Variants in ZRANB3 observed in about 807,000 individuals in gnomAD.
ZRANB3 encodes the protein DNA annealing helicase and endonuclease ZRANB3.
Under a neutral mutation model 133.8 loss-of-function variants are expected in ZRANB3, and 125 were observed. The ratio of observed to expected loss-of-function variants is 0.93; its 90% CI spans 0.81 to 1.08. The LOEUF (loss-of-function observed/expected upper bound fraction) is 1.08, where lower values mean the gene tolerates loss of function less well. Among genes scored for constraint, ZRANB3 ranks in the 50% least tolerant of loss-of-function variants. The pLI, the probability that ZRANB3 is intolerant of heterozygous loss-of-function variation, is 0.00. For synonymous variants in ZRANB3, 387 were observed against 432.7 expected (o/e 0.89, Z 1.31); for missense variants, 1,229 against 1,275.5 (o/e 0.96, Z 0.56).
At chr2:135,319,419 A>G (rs1683414486) in intron 6 of ZRANB3, among the ~76,000 whole-genome samples, 1 of 152,212 alleles carries the variant, frequency 6.6e-6, no homozygotes, top group Non-Finnish European at 1.5e-5. Context: ...TCTTTACTCA[A>G]GCATGGATGA....
rs141165745 is a variant in ZRANB3 at position 135,222,973 on chromosome 2, G to A, written c.2250+1453C>T. Among the ~76,000 whole-genome samples, 591 of 151,974 alleles carry A rather than the reference G, an allele frequency of 3.9e-3. 7 individuals are homozygous for A. Among genetic ancestry groups the A allele is most frequent in the South Asian group, 0.025 (121 of 4,800 alleles). On this transcript the variant is annotated intron_variant, in intron 15 of 20. Transcript: ENST00000264159. Reference sequence around the variant, plus strand: ...AAAAACAAACAAACAAACAAAAAACGGCCAGGTGGGTGGCTCACACCTGTA... The same window carrying A: ...AAAAACAAACAAACAAACAAAAAACAGCCAGGTGGGTGGCTCACACCTGTA...
At chr2:135,243,028 G>A (rs1226958739) in intron 12 of ZRANB3, among the ~76,000 whole-genome samples, 2 of 152,094 alleles carry the variant, frequency 1.3e-5, no homozygotes, top group Admixed American at 6.6e-5. Context: ...TTTCACATGA[G>A]AGGTGGCCTT....
In ZRANB3 at chr2:135,492,264, C is replaced by A. The variant is rs76281705; in HGVS notation, c.161+12065G>T. Among the ~76,000 whole-genome samples the A allele has an allele frequency of 5.3e-5, 8 of 152,128 alleles. No homozygotes were observed. The East Asian group carries it at 1.4e-3, about 26-fold the overall frequency. ...ACTGTTACTTAAGAGAAAAGACAAA[C>A]TGAGTAACAAAGTGAAACCTAACCT... is the stretch of plus-strand genomic sequence containing the variant. On this transcript the variant is annotated intron_variant, in intron 2 of 20. Coordinates refer to ENST00000264159, the MANE Select transcript of ZRANB3 (RefSeq NM_032143.4).
chr2:135,417,961 G>T (rs1233391973), intron 2 of ZRANB3, among the ~76,000 whole-genome samples: 4 of 152,114 alleles, frequency 2.6e-5, no homozygotes, highest in South Asian at 2.1e-4. Context: ...GGACTGTTGT[G>T]GGGTGGGGGA....
At position 135,224,451 on chromosome 2, in the gene ZRANB3, G is replaced by A. The variant is rs377756657; in HGVS notation, c.2225C>T (p.Thr742Ile). ...DTLMFCASRN[T>I]DRIHIYTKDG... is the part of the protein sequence containing the mutation. ...CTTAGTATAGATGTGAATCCGGTCA[G>A]TATTCCTACTTGCACAGAACATTAA... The change falls in exon 15 of 21, where the codon ACT (threonine) becomes ATT (isoleucine). Residue 742 changes from threonine to isoleucine, a missense_variant. Transcript: ENST00000264159. 23 of 1,613,030 alleles carry A rather than the reference G, an allele frequency of 1.4e-5. No individual in the cohort carries two copies. The highest frequency in any genetic ancestry group is 1.7e-5 in the Admixed American group (1 of 59,960).
At chr2:135,483,936 T>C (rs897738855) in intron 2 of ZRANB3, among the ~76,000 whole-genome samples, 25 of 152,344 alleles carry the variant, frequency 1.6e-4, no homozygotes, top group African/African-American at 4.8e-4. Context: ...GTGAGATTCT[T>C]AATCCTGAGT....
chr2:135,455,251 C>T (rs527302020), intron 2 of ZRANB3, among the ~76,000 whole-genome samples: 26 of 122,282 alleles, frequency 2.1e-4, no homozygotes, highest in Admixed American at 1.6e-3. Context: ...TGCAATGGCA[C>T]GATTTTGGCT....
chr2:135,512,285 T>C (rs145832926), intron 1 of ZRANB3, among the ~76,000 whole-genome samples: 2,276 of 152,266 alleles, frequency 0.015, 27 homozygotes, highest in Middle Eastern at 0.031. Context: ...ACAAGGCAAA[T>C]TCAACTGGAA....
At chr2:135,462,581 C>T (rs1033508114) in intron 2 of ZRANB3, among the ~76,000 whole-genome samples, 15 of 150,140 alleles carry the variant, frequency 1.0e-4, no homozygotes, top group African/African-American at 3.7e-4. Context: ...CTTCCTCCCT[C>T]CCTCTCTCTC....
intron 6 of ZRANB3, among the ~76,000 whole-genome samples, chr2:135,316,137 G>T (rs1207108711): frequency 6.6e-6 from 1 of 152,168 alleles, no homozygotes; most frequent in Non-Finnish European, 1.5e-5. Flanking sequence ...GGAGACATCA[G>T]AGAATAAGTG....
At position 135,198,757 on chromosome 2, in the gene ZRANB3, G is replaced by A. The variant is rs967632493; in HGVS notation, c.*1585C>T. ...CACCTGACCAACTAAGCAGAAAGGA[G>A]GCCAAAGAAAGCCCAACTTCATTTA... On this transcript the variant is annotated 3_prime_UTR_variant, in exon 21 of 21. Coordinates refer to ENST00000264159, the MANE Select transcript of ZRANB3 (RefSeq NM_032143.4). The A allele has an allele frequency of 1.3e-5, 2 of 152,136 alleles. No individual in the cohort carries two copies. The highest frequency in any genetic ancestry group is 2.4e-5 in the African/African-American group (1 of 41,430). The allele number at this position is 152,136 out of a possible 1,614,324, so 9.4% of individuals were successfully genotyped here.
chr2:135,200,828 T>C (rs1406499427), intron 20 of ZRANB3, among the ~76,000 whole-genome samples: 1 of 150,170 alleles, frequency 6.7e-6, no homozygotes, highest in Non-Finnish European at 1.5e-5. Flanking sequence ...TGATCTCGGC[T>C]CACTGCAACC....
chr2:135,283,420 C>G (rs892392682), intron 8 of ZRANB3, among the ~76,000 whole-genome samples: 1 of 151,976 alleles, frequency 6.6e-6, no homozygotes, highest in East Asian at 1.9e-4. Flanking sequence ...ACCATCCTGG[C>G]TAACATGGTG....
chr2:135,256,648 A>C (rs1679670754), intron 12 of ZRANB3, among the ~76,000 whole-genome samples: 1 of 152,188 alleles, frequency 6.6e-6, no homozygotes, highest in African/African-American at 2.4e-5. Context: ...TTTTAAGGCC[A>C]AATAATATTC....
chr2:135,502,012 T>C (rs1692971221), intron 2 of ZRANB3, among the ~76,000 whole-genome samples: 1 of 151,988 alleles, frequency 6.6e-6, no homozygotes, highest in African/African-American at 2.4e-5. Context: ...ACCTTCAAAG[T>C]GCTAAGAAAA....
At chr2:135,430,152 C>A (rs1330696389) in intron 2 of ZRANB3, among the ~76,000 whole-genome samples, 1 of 151,318 alleles carries the variant, frequency 6.6e-6, no homozygotes, top group African/African-American at 2.4e-5. Flanking sequence ...TTCCAGCATG[C>A]GTGACAGAGC....
chr2:135,336,752 A>G (rs1473509270), intron 6 of ZRANB3, among the ~76,000 whole-genome samples: 3 of 152,190 alleles, frequency 2.0e-5, no homozygotes, highest in African/African-American at 7.2e-5. Flanking sequence ...CTGTTGTCAT[A>G]TGACAAGTTC....
intron 2 of ZRANB3, among the ~76,000 whole-genome samples, chr2:135,414,741 T>TATAACA (rs1345471709): frequency 6.6e-6 from 1 of 151,936 alleles, no homozygotes; most frequent in African/African-American, 2.4e-5. Context: ...GAACAGAAAT[T>TATAACA]ATAACAAACT....
chr2:135,503,293 C>A (rs1421211412), intron 2 of ZRANB3, among the ~76,000 whole-genome samples: 1 of 152,074 alleles, frequency 6.6e-6, no homozygotes, highest in Non-Finnish European at 1.5e-5. Flanking sequence ...ATAAAAGGGA[C>A]TGATGGGACA....
Sources: allele counts gnomAD v4.1 joint callset (sites outside exome capture counted in the v4.1 genomes callset), GRCh38; gene constraint gnomAD v4.1.1; transcripts MANE v1.5; gene names NCBI Gene and HGNC (gene_info 2026-07-23, HGNC 2026-07-21).